FAF1: variants seen among roughly 807,000 people sequenced by gnomAD.
FAF1 encodes the protein Fas associated factor 1, also known as FAS-associated factor 1.
A neutral mutation model predicts 92.5 loss-of-function variants in FAF1; 25 were observed. That is an observed-to-expected ratio of 0.27 (90% CI 0.20 to 0.38). FAF1 has a LOEUF of 0.38. Among genes scored for constraint, FAF1 ranks in the 10% least tolerant of loss-of-function variants. The pLI is 1.00. For missense variants in FAF1, 636 were observed against 793.3 expected (o/e 0.80, Z 2.38); for synonymous variants, 234 against 273.2 (o/e 0.86, Z 1.42).
At chr1:50,585,880 T>TAAAAA (rs958484582) in intron 9 of FAF1, among the ~76,000 whole-genome samples, 6 of 90,650 alleles carry the variant, frequency 6.6e-5, no homozygotes, top group Non-Finnish European at 1.1e-4. Flanking sequence ...CATCTCTACA[T>TAAAAA]AAAAAAAAAA....
chr1:50,683,510 G>C (rs1008781148), intron 7 of FAF1, among the ~76,000 whole-genome samples: 1 of 149,414 alleles, frequency 6.7e-6, no homozygotes, highest in Middle Eastern at 3.6e-3. Flanking sequence ...CTGGGTGACA[G>C]AGTGAGACCC....
chr1:50,879,287 TC>T (rs373565854), intron 1 of FAF1, among the ~76,000 whole-genome samples: 17 of 133,286 alleles, frequency 1.3e-4, no homozygotes, highest in Admixed American at 2.9e-4. Context: ...AATGAATGAA[TC>T]AGATTAATGT....
At chr1:50,877,800 T>C (rs894219068) in intron 1 of FAF1, among the ~76,000 whole-genome samples, 6 of 152,190 alleles carry the variant, frequency 3.9e-5, no homozygotes, top group Non-Finnish European at 8.8e-5. Flanking sequence ...AAGTTAATTA[T>C]ATAAATTCTT....
intron 15 of FAF1, among the ~76,000 whole-genome samples, chr1:50,497,777 T>C (rs1300717762): frequency 1.3e-5 from 2 of 151,910 alleles, no homozygotes; most frequent in African/African-American, 4.8e-5. Context: ...CTTGAACTCC[T>C]GGGCTCGTGA....
intron 13 of FAF1, among the ~76,000 whole-genome samples, chr1:50,562,037 T>C (rs778649633): frequency 1.3e-5 from 2 of 152,170 alleles, no homozygotes; most frequent in Non-Finnish European, 2.9e-5. Flanking sequence ...ATACAGAATA[T>C]GCATTTTAAC....
intron 2 of FAF1, among the ~76,000 whole-genome samples, chr1:50,856,638 G>C (rs1644392143): frequency 6.6e-6 from 1 of 151,680 alleles, no homozygotes; most frequent in South Asian, 2.1e-4. Context: ...TTGGTTAAAA[G>C]TATTCAAAAC....
intron 15 of FAF1, among the ~76,000 whole-genome samples, chr1:50,508,865 TA>T: frequency 6.6e-6 from 1 of 152,316 alleles, no homozygotes; most frequent in African/African-American, 2.4e-5. Flanking sequence ...CACACCCTGC[TA>T]ATTTTTTTTG....
intron 12 of FAF1, among the ~76,000 whole-genome samples, chr1:50,572,987 C>T (rs945271810): frequency 7.2e-5 from 11 of 151,968 alleles, no homozygotes; most frequent in African/African-American, 2.2e-4. Flanking sequence ...ACCTGGCCTG[C>T]GAAGGTGATA....
intron 8 of FAF1, among the ~76,000 whole-genome samples, chr1:50,615,631 T>C (rs1315140391): frequency 6.6e-6 from 1 of 152,226 alleles, no homozygotes; most frequent in Admixed American, 6.5e-5. Context: ...TTAGCATTTT[T>C]TCATATGTTT....
intron 13 of FAF1, among the ~76,000 whole-genome samples, chr1:50,553,981 G>A (rs1218082153): frequency 6.6e-6 from 1 of 151,808 alleles, no homozygotes; most frequent in Non-Finnish European, 1.5e-5. Flanking sequence ...CATCAGCTAA[G>A]CATGTTATAG....
intron 14 of FAF1, among the ~76,000 whole-genome samples, chr1:50,538,877 T>A (rs1032418763): frequency 6.6e-6 from 1 of 152,162 alleles, no homozygotes; most frequent in Non-Finnish European, 1.5e-5. Context: ...CTCCTCCCAA[T>A]CAGACTTAAA....
At chr1:50,661,633 T>C (rs1042009077) in intron 7 of FAF1, among the ~76,000 whole-genome samples, 15 of 152,192 alleles carry the variant, frequency 9.9e-5, no homozygotes, top group Non-Finnish European at 1.0e-4. Flanking sequence ...TGCATCGCAT[T>C]ATCAGATGTT....
intron 1 of FAF1, among the ~76,000 whole-genome samples, chr1:50,908,865 C>T (rs1001479356): frequency 2.6e-5 from 4 of 152,088 alleles, no homozygotes; most frequent in African/African-American, 7.2e-5. Flanking sequence ...GAGCATTTAG[C>T]CCATTTACAT....
intron 2 of FAF1, among the ~76,000 whole-genome samples, chr1:50,804,586 G>GT (rs1180972379): frequency 2.6e-5 from 4 of 152,078 alleles, no homozygotes; most frequent in Admixed American, 6.6e-5. Context: ...GTTTAAAACA[G>GT]TTTAACAATA....
In FAF1 at chr1:50,538,828, T is replaced by C. The variant is rs368602663; in HGVS notation, c.1405+764A>G. Among the ~76,000 whole-genome samples the C allele has an allele frequency of 5.9e-5, 9 of 152,260 alleles. No individual in the cohort carries two copies. The East Asian group carries it at 1.5e-3, about 26-fold the overall frequency. ...ACATAAAATGCTAGAGGTCTGGTTT[T>C]ATTTGGGTTTTAAAGGCACTGCAAT... is the stretch of plus-strand genomic sequence containing the variant. On this transcript the variant is annotated intron_variant, in intron 14 of 18. Transcript: ENST00000396153.
At chr1:50,555,786 A>G (rs1230141107) in intron 13 of FAF1, among the ~76,000 whole-genome samples, 2 of 152,196 alleles carry the variant, frequency 1.3e-5, no homozygotes, top group African/African-American at 2.4e-5. Context: ...AAAAGTCATT[A>G]TATCAAAAAG....
At chr1:50,905,882 A>T (rs1644833644) in intron 1 of FAF1, among the ~76,000 whole-genome samples, 1 of 152,144 alleles carries the variant, frequency 6.6e-6, no homozygotes, top group Non-Finnish European at 1.5e-5. Flanking sequence ...CTTTAGTTTA[A>T]TTAGATCCCG....
chr1:50,843,653 TTTTA>T (rs2124647536), intron 2 of FAF1, among the ~76,000 whole-genome samples: 1 of 152,170 alleles, frequency 6.6e-6, no homozygotes, highest in South Asian at 2.1e-4. Context: ...GTGCCTGATG[TTTTA>T]TTTAACATAA....
intron 15 of FAF1, among the ~76,000 whole-genome samples, chr1:50,501,427 G>A (rs1646982715): frequency 6.6e-6 from 1 of 152,172 alleles, no homozygotes; most frequent in Non-Finnish European, 1.5e-5. Context: ...CACTTTGGAA[G>A]GCCAAGGCAG....
Sources: gnomAD v4.1 joint callset for allele counts (sites outside exome capture counted in the v4.1 genomes callset) on GRCh38, gnomAD v4.1.1 for gene constraint, MANE v1.5 for transcripts, NCBI Gene and HGNC (gene_info 2026-07-23, HGNC 2026-07-21) for gene names.